The following PRR16 variants were observed in gnomAD, a reference collection of about 807,000 sequenced individuals.
PRR16 encodes the protein proline rich 16, also known as protein Largen.
In PRR16, 6 loss-of-function variants were observed where a neutral mutation model predicts 18.2. That is an observed-to-expected ratio of 0.33 (90% CI 0.18 to 0.65). The LOEUF (loss-of-function observed/expected upper bound fraction) is 0.65, where lower values mean the gene tolerates loss of function less well. Ranked by LOEUF, PRR16 falls within the 30% of genes least tolerant of loss-of-function variation. PRR16 has a pLI of 0.74. For missense variants in PRR16, 412 were observed against 376.6 expected (o/e 1.09, Z -0.78); for synonymous variants, 151 against 147.8 (o/e 1.02, Z -0.16).
At chr5:120,660,836 A>T (rs1372575843) in intron 1 of PRR16, among the ~76,000 whole-genome samples, 1 of 152,142 alleles carries the variant, frequency 6.6e-6, no homozygotes, top group African/African-American at 2.4e-5. Flanking sequence ...ATTATGGAAT[A>T]TAAAAAGCAA....
intron 1 of PRR16, among the ~76,000 whole-genome samples, chr5:120,622,079 C>T (rs956995469): frequency 6.6e-6 from 1 of 152,264 alleles, no homozygotes; most frequent in African/African-American, 2.4e-5. Context: ...AATTCTATGT[C>T]TGACAATACT....
chr5:120,507,144 C>T (rs1467312448), intron 1 of PRR16, among the ~76,000 whole-genome samples: 6 of 152,042 alleles, frequency 3.9e-5, no homozygotes, highest in Admixed American at 1.3e-4. Context: ...TATCTAGAAT[C>T]CCTAAAGAAA....
At position 120,464,302 on chromosome 5, in the gene PRR16, T is replaced by C. The variant is rs1202376094; in HGVS notation, c.-185T>C. 1 of 457,908 alleles carries C rather than the reference T, an allele frequency of 2.2e-6. No individual in the cohort carries two copies. The highest frequency in any genetic ancestry group is 3.5e-6 in the Non-Finnish European group (1 of 287,874). The allele number at this position is 457,908 out of a possible 1,614,324, so 28.4% of individuals were successfully genotyped here. A position where few individuals can be genotyped will look rare whatever the true frequency, so the allele number is the denominator to read the frequency against. On this transcript the variant is annotated 5_prime_UTR_variant, in exon 1 of 2. Coordinates refer to ENST00000407149, the MANE Select transcript of PRR16 (RefSeq NM_001300783.2). Reference sequence around the variant, plus strand: ...CGAGCCGAGCGCCGCGTCTCGGGAGTTGATGGCAGCACCACTGTGCGGCCG... The same window carrying C: ...CGAGCCGAGCGCCGCGTCTCGGGAGCTGATGGCAGCACCACTGTGCGGCCG...
intron 1 of PRR16, among the ~76,000 whole-genome samples, chr5:120,586,318 G>A (rs1212491509): frequency 4.6e-5 from 7 of 152,066 alleles, no homozygotes; most frequent in Admixed American, 2.6e-4. Flanking sequence ...CTTAGAGGAA[G>A]GAAAGCATAA....
At chr5:120,676,380 G>A (rs2053839) in intron 1 of PRR16, among the ~76,000 whole-genome samples, 143,462 of 152,068 alleles carry the variant, frequency 0.94, 68,099 homozygotes, top group East Asian at 1. Context: ...ATGTGAAGGC[G>A]GGGCCCCGTT....
chr5:120,647,013 C>T (rs1330841990), intron 1 of PRR16, among the ~76,000 whole-genome samples: 1 of 151,700 alleles, frequency 6.6e-6, no homozygotes, highest in Non-Finnish European at 1.5e-5. Context: ...ATTCCTGAGT[C>T]ATTTATATTA....
intron 1 of PRR16, among the ~76,000 whole-genome samples, chr5:120,660,837 T>C (rs1228654725): frequency 6.6e-6 from 1 of 152,068 alleles, no homozygotes; most frequent in Admixed American, 6.6e-5. Context: ...TTATGGAATA[T>C]AAAAAGCAAA....
At chr5:120,741,649 T>C in the PRR16 span, among the ~76,000 whole-genome samples, 2 of 152,190 alleles carry the variant, frequency 1.3e-5, no homozygotes, top group Admixed American at 1.3e-4. Context: ...TTGCCCAGGA[T>C]GGAGTACACT....
chr5:120,722,788 C>G, the PRR16 span, among the ~76,000 whole-genome samples: 6 of 151,680 alleles, frequency 4.0e-5, no homozygotes, highest in Admixed American at 6.6e-5. Context: ...CTTAATCGTT[C>G]TTTCTCTAAG....
chr5:120,492,423 G>A (rs1750090422), intron 1 of PRR16, among the ~76,000 whole-genome samples: 1 of 152,134 alleles, frequency 6.6e-6, no homozygotes, highest in African/African-American at 2.4e-5. Context: ...TAATTCATAT[G>A]TGGAAAACAC....
intron 1 of PRR16, among the ~76,000 whole-genome samples, chr5:120,556,724 T>C (rs1034172705): frequency 6.6e-6 from 1 of 151,896 alleles, no homozygotes; most frequent in East Asian, 1.9e-4. Flanking sequence ...CCTCTTCTTC[T>C]GGGTTGACTA....
chr5:120,613,188 G>A (rs1056743358), intron 1 of PRR16, among the ~76,000 whole-genome samples: 1 of 152,088 alleles, frequency 6.6e-6, no homozygotes, highest in Non-Finnish European at 1.5e-5. Context: ...TAGCAATTAA[G>A]CGTGAATTTT....
chr5:120,688,328 G>C (rs898264622), downstream of PRR16, among the ~76,000 whole-genome samples: 2 of 152,094 alleles, frequency 1.3e-5, no homozygotes, highest in African/African-American at 4.8e-5. Context: ...ATGTTTCATA[G>C]GTGTTGGACA....
intron 1 of PRR16, among the ~76,000 whole-genome samples, chr5:120,600,641 C>G (rs1472795049): frequency 1.3e-5 from 2 of 151,636 alleles, no homozygotes; most frequent in Non-Finnish European, 3.0e-5. Context: ...TTATGTGTTT[C>G]TGGGGTTTGA....
intron 1 of PRR16, among the ~76,000 whole-genome samples, chr5:120,608,185 A>G (rs1295543199): frequency 6.6e-6 from 1 of 152,222 alleles, no homozygotes; most frequent in Non-Finnish European, 1.5e-5. Flanking sequence ...AAGAAATGAA[A>G]TCCAGAGGTT....
chr5:120,766,543 T>C, the PRR16 span, among the ~76,000 whole-genome samples: 1 of 151,984 alleles, frequency 6.6e-6, no homozygotes, highest in South Asian at 2.1e-4. Context: ...ATGTTTTCAT[T>C]ATCAAAGTGG....
intron 1 of PRR16, among the ~76,000 whole-genome samples, chr5:120,503,383 C>T (rs1045362153): frequency 2.2e-4 from 33 of 151,984 alleles, no homozygotes; most frequent in South Asian, 2.1e-4. Flanking sequence ...TCACTTAGAG[C>T]TAAGAAAAAT....
At chr5:120,770,258 G>A in the PRR16 span, among the ~76,000 whole-genome samples, 1 of 151,932 alleles carries the variant, frequency 6.6e-6, no homozygotes, top group East Asian at 1.9e-4. Context: ...ACATAAGCCA[G>A]TAGAACAGAA....
chr5:120,513,464 A>G (rs137862533), intron 1 of PRR16, among the ~76,000 whole-genome samples: 1 of 152,170 alleles, frequency 6.6e-6, no homozygotes, highest in East Asian at 1.9e-4. Flanking sequence ...TGCTGTGACC[A>G]CACTGACCCT....
Sources: gnomAD v4.1 joint callset for allele counts (sites outside exome capture counted in the v4.1 genomes callset) on GRCh38, gnomAD v4.1.1 for gene constraint, MANE v1.5 for transcripts, NCBI Gene and HGNC (gene_info 2026-07-23, HGNC 2026-07-21) for gene names.